The following LRTM1 variants were observed in gnomAD, a reference collection of about 807,000 sequenced individuals.
LRTM1 encodes the protein leucine rich repeat transmembrane protein 1, also known as leucine-rich repeat and transmembrane domain-containing protein 1.
In LRTM1, 38 loss-of-function variants were observed where a neutral mutation model predicts 32.4. That is an observed-to-expected ratio of 1.17 (90% CI 0.91 to 1.54). LRTM1 has a LOEUF of 1.54. Among genes scored for constraint, LRTM1 ranks in the 40% most tolerant of loss-of-function variants. The pLI, the probability that LRTM1 is intolerant of heterozygous loss-of-function variation, is 0.00. For missense variants in LRTM1, 466 were observed against 415.4 expected (o/e 1.12, Z -1.06); for synonymous variants, 186 against 169.9 (o/e 1.09, Z -0.74).
chr3:54,963,239 A>G (rs1702072379), intron 1 of LRTM1, among the ~76,000 whole-genome samples: 1 of 152,116 alleles, frequency 6.6e-6, no homozygotes, highest in Non-Finnish European at 1.5e-5. Flanking sequence ...TAAACCCCCT[A>G]TACCTAAGTC....
chr3:54,958,166 T>G (rs896000858), intron 1 of LRTM1, among the ~76,000 whole-genome samples: 2 of 152,332 alleles, frequency 1.3e-5, no homozygotes, highest in South Asian at 4.1e-4. Flanking sequence ...AAAATGTCAT[T>G]TAATGTCAAA....
chr3:54,944,337 A>G (rs1039225313), intron 1 of LRTM1, among the ~76,000 whole-genome samples: 2 of 151,986 alleles, frequency 1.3e-5, no homozygotes, highest in African/African-American at 2.4e-5. Context: ...CCCAACATAT[A>G]TCTTTCTACT....
intron 1 of LRTM1, among the ~76,000 whole-genome samples, chr3:54,957,779 C>T (rs1325154246): frequency 1.3e-5 from 2 of 152,120 alleles, no homozygotes; most frequent in Admixed American, 6.5e-5. Context: ...ATCTCTCACC[C>T]GGTAGGATGA....
intron 1 of LRTM1, among the ~76,000 whole-genome samples, chr3:54,937,983 C>T (rs1701372330): frequency 6.6e-6 from 1 of 152,216 alleles, no homozygotes; most frequent in Non-Finnish European, 1.5e-5. Flanking sequence ...AGAAAAGCCC[C>T]TTGCTGTCCC....
chr3:54,931,297 A>G (rs547055672), upstream of LRTM1, among the ~76,000 whole-genome samples: 3 of 152,102 alleles, frequency 2.0e-5, no homozygotes, highest in Non-Finnish European at 2.9e-5. Context: ...GCTGACCCCA[A>G]TTGGGGGTTA....
chr3:54,952,263 G>A (rs553673242), intron 1 of LRTM1, among the ~76,000 whole-genome samples: 1 of 152,192 alleles, frequency 6.6e-6, no homozygotes, highest in Non-Finnish European at 1.5e-5. Flanking sequence ...CAGCACCCCT[G>A]TGGGCACAGG....
intron 1 of LRTM1, among the ~76,000 whole-genome samples, chr3:54,949,246 T>C (rs1701695122): frequency 6.6e-6 from 1 of 152,032 alleles, no homozygotes; most frequent in East Asian, 1.9e-4. Context: ...GCCTAGCAGG[T>C]GGAGGGTGAA....
upstream of LRTM1, among the ~76,000 whole-genome samples, chr3:54,931,563 C>T (rs1468349234): frequency 6.6e-6 from 1 of 152,162 alleles, no homozygotes; most frequent in Non-Finnish European, 1.5e-5. Flanking sequence ...AGAGCCACTC[C>T]TTAAAGAGGA....
intron 1 of LRTM1, among the ~76,000 whole-genome samples, chr3:54,925,617 T>G (rs1390742670): frequency 6.6e-6 from 1 of 152,244 alleles, no homozygotes; most frequent in Non-Finnish European, 1.5e-5. Flanking sequence ...CTTACATTTC[T>G]GTAAAGTATG....
At chr3:54,956,745 C>A (rs1432675715) in intron 1 of LRTM1, among the ~76,000 whole-genome samples, 1 of 152,148 alleles carries the variant, frequency 6.6e-6, no homozygotes, top group East Asian at 1.9e-4. Flanking sequence ...TAGGGGAAGA[C>A]AGAACCCATT....
chr3:54,929,339 C>A (rs1701122391), upstream of LRTM1, among the ~76,000 whole-genome samples: 1 of 152,144 alleles, frequency 6.6e-6, no homozygotes, highest in Non-Finnish European at 1.5e-5. Context: ...TTGTATGCTG[C>A]CAACTTCTGA....
In LRTM1 at chr3:54,963,271, G is replaced by A. The variant is rs76122559; in HGVS notation, c.-222+3657C>T. On this transcript the variant is annotated intron_variant, in intron 1 of 2. Transcript: ENST00000493075. ...AGTCATCTCATTTCTTCTACCTCTG[G>A]GGAGTGGTAGTATGGACGGGTTTGT... Among the ~76,000 whole-genome samples, 216 of 152,172 alleles carry A rather than the reference G, an allele frequency of 1.4e-3. 3 individuals carry two copies. Among genetic ancestry groups the A allele is most frequent in the African/African-American group, 4.9e-3 (205 of 41,514 alleles).
chr3:54,966,502 G>A (rs781259023), intron 1 of LRTM1, among the ~76,000 whole-genome samples: 3 of 152,244 alleles, frequency 2.0e-5, no homozygotes, highest in Middle Eastern at 3.4e-3. Flanking sequence ...TTGGCTGTGC[G>A]TGAGAATCAT....
At chr3:54,939,393 C>T (rs1385358406) in intron 1 of LRTM1, among the ~76,000 whole-genome samples, 3 of 152,202 alleles carry the variant, frequency 2.0e-5, no homozygotes, top group African/African-American at 4.8e-5. Context: ...AACTACTCTG[C>T]GTTTTTATCT....
intron 1 of LRTM1, among the ~76,000 whole-genome samples, chr3:54,951,417 C>T (rs1701753705): frequency 6.6e-6 from 1 of 152,234 alleles, no homozygotes; most frequent in Non-Finnish European, 1.5e-5. Flanking sequence ...GAGTTCCAAG[C>T]CATCGACACC....
At chr3:54,928,555 A>C (rs1322907590), upstream of LRTM1, among the ~76,000 whole-genome samples, 1 of 152,184 alleles carries the variant, frequency 6.6e-6, no homozygotes, top group Non-Finnish European at 1.5e-5. Context: ...TATTCAGCCA[A>C]CATCTGTGGG....
chr3:54,959,122 G>T (rs925035445), intron 1 of LRTM1, among the ~76,000 whole-genome samples: 1 of 152,150 alleles, frequency 6.6e-6, no homozygotes, highest in African/African-American at 2.4e-5. Flanking sequence ...CCTTTATCTG[G>T]CAATCCTATT....
intron 1 of LRTM1, among the ~76,000 whole-genome samples, chr3:54,940,415 C>A (rs1017475159): frequency 3.9e-5 from 6 of 152,270 alleles, no homozygotes; most frequent in Admixed American, 1.3e-4. Flanking sequence ...GTGCCTAATG[C>A]TGTAAAATTA....
rs1006704078 is a variant in LRTM1 at position 54,918,355 on chromosome 3, T to G, written c.*104A>C. ...TTCTTTTTTTTTTTTTTTTTTTTTT[T>G]GTCTTTTGGCAAAAGCAAAATCAGA... On this transcript the variant is annotated 3_prime_UTR_variant, in exon 3 of 3. Transcript: ENST00000273286. 3.5e-5 allele frequency: 11 copies of G among 312,608 alleles called. 1 individual carries two copies. Among genetic ancestry groups the G allele is most frequent in the Middle Eastern group, 1.1e-3 (1 of 918 alleles). The allele number at this position is 312,608 out of a possible 1,614,324, so 19.4% of individuals were successfully genotyped here. A position where few individuals can be genotyped will look rare whatever the true frequency, so the allele number is the denominator to read the frequency against.
Sources: allele counts gnomAD v4.1 joint callset (sites outside exome capture counted in the v4.1 genomes callset), GRCh38; gene constraint gnomAD v4.1.1; transcripts MANE v1.5; gene names NCBI Gene and HGNC (gene_info 2026-07-23, HGNC 2026-07-21).